Variants in TMEM209 observed in about 807,000 individuals in gnomAD.
The protein encoded by TMEM209 is testicular tissue protein Li 202.
In TMEM209, 65 loss-of-function variants were observed where a neutral mutation model predicts 76.2. That is an observed-to-expected ratio of 0.85 (90% CI 0.70 to 1.05). The LOEUF (loss-of-function observed/expected upper bound fraction) is 1.05. TMEM209 is among the 50% of genes least tolerant of loss of function. The pLI, the probability that TMEM209 is intolerant of heterozygous loss-of-function variation, is 0.00. For missense variants in TMEM209, 623 were observed against 685.5 expected, an observed-to-expected ratio of 0.91 and a Z score of 1.02; for synonymous variants, 239 against 237.6, an observed-to-expected ratio of 1.01 and a Z score of -0.06.
intron 6 of TMEM209, among the ~76,000 whole-genome samples, chr7:130,188,196 A>C (rs1335245171): frequency 2.0e-5 from 3 of 152,256 alleles, no homozygotes; most frequent in African/African-American, 7.2e-5. Flanking sequence ...GAAAGAGCTG[A>C]TGAGTCCACA....
At chr7:130,167,321 AG>A (rs1796912644) in intron 14 of TMEM209, among the ~76,000 whole-genome samples, 1 of 152,144 alleles carries the variant, frequency 6.6e-6, no homozygotes, top group Non-Finnish European at 1.5e-5. Flanking sequence ...CTTTCGAAAC[AG>A]GTAATTTTTA....
chr7:130,181,633 T>C lies in TMEM209; in HGVS notation c.1110A>G (p.Leu370=), dbSNP rs1316501986. The C allele has an allele frequency of 1.2e-6, 2 of 1,611,630 alleles. No individual in the cohort carries two copies. The highest frequency in any genetic ancestry group is 1.7e-6 in the Non-Finnish European group (2 of 1,178,982). ...TCTGTTTTCACATACCTCCTATCTGTAGCTCTGGACAACCCATTCGTCTCA... is the reference window on the plus strand; with the variant it reads ...TCTGTTTTCACATACCTCCTATCTGCAGCTCTGGACAACCCATTCGTCTCA... ...TQMRRMGCPE[L]QIGEASITSL... The change falls in exon 9 of 15, where the codon CTA becomes CTG. Residue 370 remains leucine (L), a synonymous_variant. Transcript: ENST00000397622.
chr7:130,202,800 G>A, intron 3 of TMEM209, 137 bp from the exon 4 acceptor site: 1 of 1,069,502 alleles, frequency 9.4e-7, no homozygotes. Flanking sequence ...AATGTTATGT[G>A]TAGGGTGGCT....
Position 130,203,790 on chromosome 7 carries a change from A to G in TMEM209, c.197T>C (p.Ile66Thr), listed in dbSNP as rs923267197. 6.2e-7 allele frequency: 1 copy of G among 1,601,422 alleles called. No individual in the cohort carries two copies. Among genetic ancestry groups the G allele is most frequent in the Non-Finnish European group, 8.5e-7 (1 of 1,173,962 alleles). The change falls in exon 3 of 15, where the codon ATT becomes ACT. Residue 66 changes from isoleucine to threonine, a missense_variant and splice_region_variant. Transcript: ENST00000397622. Reference protein sequence around the residue: ...YNVTYWPLWYIELALASLFSL... With the variant: ...YNVTYWPLWYTELALASLFSL... ...TACAGTGAAAATTACTTACTTACCAATATACCAGAGGGGCCAGTATGTCAC... is the reference window on the plus strand; with the variant it reads ...TACAGTGAAAATTACTTACTTACCAGTATACCAGAGGGGCCAGTATGTCAC...
At chr7:130,190,424 A>G (rs1797753804) in intron 6 of TMEM209, among the ~76,000 whole-genome samples, 1 of 152,010 alleles carries the variant, frequency 6.6e-6, no homozygotes, top group Admixed American at 6.6e-5. Flanking sequence ...AAGCTGAGGC[A>G]GGAGAATCGC....
At chr7:130,174,131 T>C (rs886777992) in intron 11 of TMEM209, among the ~76,000 whole-genome samples, 192 bp from the exon 12 acceptor site, 1 of 152,144 alleles carries the variant, frequency 6.6e-6, no homozygotes, top group Non-Finnish European at 1.5e-5. Flanking sequence ...TAAAAACACA[T>C]AGTTCAGGTA....
At chr7:130,203,928 C>T in intron 2 of TMEM209, 46 bp downstream of exon 2, 2 of 1,605,816 alleles carry the variant, frequency 1.2e-6, no homozygotes, top group Non-Finnish European at 1.7e-6. Context: ...GTGGAACCAG[C>T]CACTGGCTTC....
intron 10 of TMEM209, among the ~76,000 whole-genome samples, chr7:130,176,745 T>C (rs1337833208): frequency 1.3e-5 from 2 of 152,164 alleles, no homozygotes; most frequent in Non-Finnish European, 2.9e-5. Context: ...AAATAACCAA[T>C]TGCAATGTAT....
At chr7:130,183,418 C>G (rs1797490617) in intron 8 of TMEM209, among the ~76,000 whole-genome samples, 1 of 152,158 alleles carries the variant, frequency 6.6e-6, no homozygotes, top group Non-Finnish European at 1.5e-5. Flanking sequence ...GTTTCTGTTT[C>G]AATAAAGTAG....
chr7:130,205,264 C>G (rs543786303), intron 1 of TMEM209, 109 bp downstream of exon 1: 3 of 1,610,844 alleles, frequency 1.9e-6, no homozygotes, highest in Non-Finnish European at 2.5e-6. Context: ...GGCGGAACGC[C>G]TAGCCACATC....
chr7:130,175,180 G>A (rs1413810582), intron 11 of TMEM209: 6 of 215,146 alleles, frequency 2.8e-5, no homozygotes, highest in Admixed American at 1.2e-4. Flanking sequence ...TAAATCTAAG[G>A]GTCAGGCACA....
At chr7:130,204,385 A>G (rs947677450) in intron 1 of TMEM209, among the ~76,000 whole-genome samples, 2 of 152,186 alleles carry the variant, frequency 1.3e-5, no homozygotes, top group Admixed American at 1.3e-4. Flanking sequence ...GCTGTCTCCC[A>G]GGCTAGAATG....
chr7:130,193,884 G>A (rs1302021025), intron 5 of TMEM209, among the ~76,000 whole-genome samples: 1 of 151,952 alleles, frequency 6.6e-6, no homozygotes. Flanking sequence ...TGTCAATGCA[G>A]GTTCATCAGC....
intron 14 of TMEM209, among the ~76,000 whole-genome samples, chr7:130,166,895 T>C (rs1796899362): frequency 6.6e-6 from 1 of 152,180 alleles, no homozygotes; most frequent in African/African-American, 2.4e-5. Context: ...AGGAATTTAC[T>C]AACTACTGGG....
chr7:130,201,459 C>T (rs557325261), intron 5 of TMEM209, among the ~76,000 whole-genome samples: 4 of 152,060 alleles, frequency 2.6e-5, no homozygotes, highest in Admixed American at 2.6e-4. Context: ...ACAATCTCAG[C>T]TTTTAGCTTA....
At chr7:130,198,014 C>T (rs1462282185) in intron 5 of TMEM209, among the ~76,000 whole-genome samples, 1 of 152,212 alleles carries the variant, frequency 6.6e-6, no homozygotes, top group Non-Finnish European at 1.5e-5. Context: ...ATTATACAGC[C>T]ATCACAATCA....
chr7:130,192,946 C>G, intron 5 of TMEM209, 123 bp from the exon 6 acceptor site: 1 of 850,582 alleles, frequency 1.2e-6, no homozygotes, highest in Non-Finnish European at 1.8e-6. Context: ...CAACATCAAA[C>G]GCTGATGAGG....
chr7:130,192,622 C>G lies in TMEM209; in HGVS notation c.775G>C (p.Gly259Arg), dbSNP rs1797835358. The G allele has an allele frequency of 1.2e-6, 2 of 1,612,486 alleles. No homozygotes were observed. Among genetic ancestry groups the G allele is most frequent in the Non-Finnish European group, 1.7e-6 (2 of 1,179,324 alleles). Residue 259 changes from glycine to arginine, a missense_variant and splice_region_variant, in exon 6 of 15, where the codon GGG becomes CGG. Gly to Arg is a moderately radical substitution (Grantham distance 125). Coordinates refer to ENST00000397622, the MANE Select transcript of TMEM209 (RefSeq NM_032842.4). ...EEEKQHRVKL[G>R]SPDSTSPSSS... is the part of the protein sequence containing the mutation. Reference sequence around the variant, plus strand: ...TAGATATACAGAAATATATATGTACCCAGCTTAACCCTATGCTGTTTCTCC... The same window carrying G: ...TAGATATACAGAAATATATATGTACGCAGCTTAACCCTATGCTGTTTCTCC...
intron 5 of TMEM209, among the ~76,000 whole-genome samples, chr7:130,198,262 T>C (rs548340052): frequency 3.9e-5 from 6 of 152,290 alleles, no homozygotes; most frequent in African/African-American, 9.6e-5. Context: ...GTATCCTCCT[T>C]GTTGTACTCT....
Sources: allele counts gnomAD v4.1 joint callset (sites outside exome capture counted in the v4.1 genomes callset), GRCh38; gene constraint gnomAD v4.1.1; transcripts MANE v1.5; gene names NCBI Gene and HGNC (gene_info 2026-07-23, HGNC 2026-07-21).